The following NRG1 variants were observed in gnomAD, a reference collection of about 807,000 sequenced individuals.
NRG1 encodes the protein pro-neuregulin-1, membrane-bound isoform.
Under a neutral mutation model 63.8 loss-of-function variants are expected in NRG1, and 18 were observed. The ratio of observed to expected loss-of-function variants is 0.28; its 90% CI spans 0.19 to 0.42. The LOEUF is 0.42. NRG1 is among the 10% of genes least tolerant of loss of function. The pLI, the probability that NRG1 is intolerant of heterozygous loss-of-function variation, is 1.00. For missense variants in NRG1, 762 were observed against 814.7 expected (o/e 0.94, Z 0.79); for synonymous variants, 302 against 301.3 (o/e 1.00, Z -0.02).
At chr8:31,768,025 C>G (rs1329766932) in intron 1 of NRG1, among the ~76,000 whole-genome samples, 1 of 152,140 alleles carries the variant, frequency 6.6e-6, no homozygotes, top group African/African-American at 2.4e-5. Flanking sequence ...TTTATCTTCT[C>G]TATCATATTT....
intron 1 of NRG1, among the ~76,000 whole-genome samples, chr8:31,678,350 C>T (rs928797898): frequency 2.6e-5 from 4 of 152,106 alleles, no homozygotes; most frequent in Admixed American, 2.6e-4. Context: ...ATAGACAAAC[C>T]AGATTAACTT....
intron 7 of NRG1, among the ~76,000 whole-genome samples, chr8:32,744,283 A>G (rs951330371): frequency 9.9e-5 from 15 of 152,114 alleles, no homozygotes; most frequent in Admixed American, 2.6e-4. Flanking sequence ...GGTAGTATTT[A>G]TTTATTTACA....
chr8:32,460,185 T>C (rs1822145624), intron 1 of NRG1, among the ~76,000 whole-genome samples: 1 of 152,216 alleles, frequency 6.6e-6, no homozygotes, highest in African/African-American at 2.4e-5. Flanking sequence ...AGTGAATGAA[T>C]GAAAATTGTT....
intron 1 of NRG1, among the ~76,000 whole-genome samples, chr8:32,432,878 G>A (rs1818320332): frequency 6.6e-6 from 1 of 152,148 alleles, no homozygotes; most frequent in Non-Finnish European, 1.5e-5. Flanking sequence ...CATTCGGGTG[G>A]AGCAAAAGCT....
intron 1 of NRG1, among the ~76,000 whole-genome samples, chr8:31,664,969 G>A (rs937581087): frequency 6.6e-6 from 1 of 152,154 alleles, no homozygotes; most frequent in Non-Finnish European, 1.5e-5. Flanking sequence ...AAATGAACAG[G>A]TCATAGATAA....
intron 1 of NRG1, among the ~76,000 whole-genome samples, chr8:31,958,615 T>C (rs1330401044): frequency 6.6e-6 from 1 of 152,178 alleles, no homozygotes; most frequent in Non-Finnish European, 1.5e-5. Flanking sequence ...GGCAGGAAGC[T>C]TCCTAAGGTG....
chr8:31,714,336 T>C (rs1377041777), intron 1 of NRG1, among the ~76,000 whole-genome samples: 1 of 152,206 alleles, frequency 6.6e-6, no homozygotes, highest in African/African-American at 2.4e-5. Context: ...TTAAGATTTT[T>C]TTTGTATTGG....
chr8:32,636,943 G>A (rs1456317017), intron 5 of NRG1, among the ~76,000 whole-genome samples: 4 of 152,102 alleles, frequency 2.6e-5, no homozygotes, highest in Non-Finnish European at 4.4e-5. Flanking sequence ...AAATAAGCAA[G>A]TGGAGGTTAC....
At position 31,834,333 on chromosome 8, in the gene NRG1, A is replaced by ACG. The variant is rs1554547074; in HGVS notation, c.37+194903_37+194904insGC. 2.6e-4 allele frequency among the ~76,000 whole-genome samples: 40 copies of ACG among 151,334 alleles called. No homozygotes were observed. The South Asian group carries it at 8.2e-3, about 31-fold the overall frequency. On this transcript the variant is annotated intron_variant, in intron 1 of 10. Transcript: ENST00000519301. ...CACACACACACACACACACACACGCACACCAATTTGTTTAAAATAAAAAAA... is the reference window on the plus strand; with the variant it reads ...CACACACACACACACACACACACGCACGCACCAATTTGTTTAAAATAAAAAAA...
chr8:32,010,753 C>A (rs1451512332), intron 1 of NRG1, among the ~76,000 whole-genome samples: 1 of 151,978 alleles, frequency 6.6e-6, no homozygotes. Flanking sequence ...TGCTTAACAT[C>A]GATGCATTTT....
At chr8:31,736,868 C>G (rs149702892) in intron 1 of NRG1, among the ~76,000 whole-genome samples, 1 of 152,146 alleles carries the variant, frequency 6.6e-6, no homozygotes, top group African/African-American at 2.4e-5. Flanking sequence ...CATGCACACA[C>G]AATTCACCCT....
chr8:32,257,366 C>T (rs754629707), intron 1 of NRG1, among the ~76,000 whole-genome samples: 52 of 152,256 alleles, frequency 3.4e-4, no homozygotes, highest in African/African-American at 1.2e-3. Flanking sequence ...GGTGTCTGCC[C>T]ATATGGTAAC....
At chr8:32,579,216 T>TG (rs1554590124) in intron 1 of NRG1, among the ~76,000 whole-genome samples, 36 of 89,244 alleles carry the variant, frequency 4.0e-4, no homozygotes, top group African/African-American at 1.3e-3. Context: ...TTTTTTTTTT[T>TG]TGGATACTAT....
intron 1 of NRG1, among the ~76,000 whole-genome samples, chr8:31,942,157 A>C (rs1801845276): frequency 6.6e-6 from 1 of 152,200 alleles, no homozygotes; most frequent in Non-Finnish European, 1.5e-5. Context: ...GGCAATAGTC[A>C]CCAAAACAGC....
At chr8:32,666,252 C>T (rs1804130690) in intron 5 of NRG1, among the ~76,000 whole-genome samples, 2 of 152,164 alleles carry the variant, frequency 1.3e-5, no homozygotes, top group East Asian at 1.9e-4. Flanking sequence ...TTCAGAATCA[C>T]ATGTTCAGAT....
At chr8:32,364,906 A>G (rs1807733327) in intron 1 of NRG1, among the ~76,000 whole-genome samples, 1 of 148,770 alleles carries the variant, frequency 6.7e-6, no homozygotes, top group Non-Finnish European at 1.5e-5. Context: ...AATGTGACTA[A>G]TTTTTAGCTT....
chr8:32,667,119 G>A (rs1261944490), intron 5 of NRG1, among the ~76,000 whole-genome samples: 6 of 152,100 alleles, frequency 3.9e-5, no homozygotes, highest in South Asian at 2.1e-4. Flanking sequence ...TAGGCTAATC[G>A]ATAGAATCTT....
chr8:32,548,777 G>A (rs770704209), exon 1 of NRG1: 31 of 1,590,044 alleles, frequency 1.9e-5, no homozygotes, highest in South Asian at 1.8e-4. Flanking sequence ...AGAAGAAGGA[G>A]CGAGGCTCCG....
At chr8:32,763,836 T>C (rs754111383) in exon 12 of NRG1, 3 of 1,613,548 alleles carry the variant, frequency 1.9e-6, no homozygotes, top group Non-Finnish European at 2.5e-6. Context: ...TTCGGAAATG[T>C]CTCCACCCGT....
Sources: allele counts gnomAD v4.1 joint callset (sites outside exome capture counted in the v4.1 genomes callset), GRCh38; gene constraint gnomAD v4.1.1; transcripts MANE v1.5; gene names NCBI Gene and HGNC (gene_info 2026-07-23, HGNC 2026-07-21).